ROR2: variants seen among roughly 807,000 people sequenced by gnomAD.
The protein encoded by ROR2 is ROR family WNT receptor 2, also known as tyrosine-protein kinase transmembrane receptor ROR2.
A neutral mutation model predicts 74.9 loss-of-function variants in ROR2; 33 were observed. The observed-to-expected ratio is 0.44, with a 90% CI of 0.33 to 0.59. The LOEUF is 0.59. Among genes scored for constraint, ROR2 ranks in the 20% least tolerant of loss-of-function variants. The probability of loss-of-function intolerance (pLI) is 0.02; values close to 1 mark genes in which losing one functional copy is unlikely to be tolerated. For synonymous variants in ROR2, 586 were observed against 558.7 expected (o/e 1.05, Z -0.69); for missense variants, 1,216 against 1,313.8 (o/e 0.93, Z 1.15).
intron 1 of ROR2, among the ~76,000 whole-genome samples, chr9:91,909,169 G>C (rs1280054015): frequency 6.6e-6 from 1 of 152,146 alleles, no homozygotes; most frequent in Non-Finnish European, 1.5e-5. Flanking sequence ...GCTCTGTCTG[G>C]GATCTCATAG....
Position 91,723,800 on chromosome 9 carries a change from C to A in ROR2, c.2694G>T (p.Gln898His), listed in dbSNP as rs141070315. 1 of 1,613,896 alleles carries A rather than the reference C, an allele frequency of 6.2e-7. No individual in the cohort carries two copies. Among genetic ancestry groups the A allele is most frequent in the East Asian group, 2.2e-5 (1 of 44,878 alleles). Residue 898 changes from glutamine to histidine, a missense_variant, in exon 9 of 9, where the codon CAG becomes CAT. Gln to His is a conservative substitution (Grantham distance 24). Coordinates refer to ENST00000375708, the MANE Select transcript of ROR2 (RefSeq NM_004560.4). ...TCTGGGCCCCATCTTCTGGGGCGTT[C>A]TGTGTGTCATCAGCGCCCTCTGAGA... ...ALLSEGADDTQNAPEDGAQST... is the reference protein window; with the variant it reads ...ALLSEGADDTHNAPEDGAQST...
In ROR2 at chr9:91,756,076, G is replaced by A. The variant is rs1327411892; in HGVS notation, c.489C>T (p.Asn163=). The stretch of plus-strand genomic sequence containing the variant: ...TGGGGAAAACAGATACTTACTGAAA[G>A]TTATGATTTGGGCTGTGCGTTGGAC... ...RLGPTHSPNH[N]FQDDYHEDGF... is the part of the protein sequence containing the mutation. Residue 163 remains asparagine, a synonymous_variant, in exon 4 of 9, where the codon AAC becomes AAT. Coordinates refer to ENST00000375708, the MANE Select transcript of ROR2 (RefSeq NM_004560.4). The A allele has an allele frequency of 2.5e-6, 4 of 1,613,878 alleles. No individual in the cohort carries two copies. The highest frequency in any genetic ancestry group is 1.7e-5 in the Admixed American group (1 of 60,006).
At chr9:91,919,194 TTAA>T (rs1380674764) in intron 1 of ROR2, among the ~76,000 whole-genome samples, 1 of 152,224 alleles carries the variant, frequency 6.6e-6, no homozygotes, top group African/African-American at 2.4e-5. Flanking sequence ...AAATGGGCAC[TTAA>T]TAAACATTCG....
intron 5 of ROR2, 148 bp downstream of exon 5, chr9:91,737,243 A>T (rs567123656): frequency 1.2e-5 from 13 of 1,088,400 alleles, no homozygotes; most frequent in African/African-American, 1.5e-5. Context: ...ACTACTTCTA[A>T]AAAAGATCTC....
chr9:91,936,426 A>G (rs553071244), intron 1 of ROR2, among the ~76,000 whole-genome samples: 13 of 152,308 alleles, frequency 8.5e-5, no homozygotes, highest in African/African-American at 2.9e-4. Flanking sequence ...CCCCTGTGTG[A>G]GCTGGCCTGT....
intron 1 of ROR2, among the ~76,000 whole-genome samples, chr9:91,804,716 C>G (rs1265167754): frequency 6.6e-6 from 1 of 152,166 alleles, no homozygotes; most frequent in East Asian, 1.9e-4. Flanking sequence ...AGAGATGAAA[C>G]TACAGCAATG....
intron 1 of ROR2, among the ~76,000 whole-genome samples, chr9:91,808,709 A>C (rs1431363548): frequency 6.6e-6 from 1 of 151,998 alleles, no homozygotes; most frequent in Non-Finnish European, 1.5e-5. Context: ...CTGTAATCCC[A>C]GCACTTTCGG....
At chr9:91,726,772 T>C in intron 7 of ROR2, 29 bp from the exon 8 acceptor site, 2 of 1,607,860 alleles carry the variant, frequency 1.2e-6, no homozygotes, top group Non-Finnish European at 1.7e-6. Flanking sequence ...TCGTGATTTT[T>C]CAGAAAACAT....
intron 1 of ROR2, among the ~76,000 whole-genome samples, chr9:91,861,640 C>G (rs956192338): frequency 6.6e-6 from 1 of 152,194 alleles, no homozygotes; most frequent in African/African-American, 2.4e-5. Context: ...AGCACTAAAA[C>G]TATAAAACTG....
intron 1 of ROR2, among the ~76,000 whole-genome samples, chr9:91,791,553 T>C (rs1332989256): frequency 1.3e-5 from 2 of 152,186 alleles, no homozygotes; most frequent in Admixed American, 6.5e-5. Flanking sequence ...CTATTATAAA[T>C]GTATATGAAC....
intron 1 of ROR2, among the ~76,000 whole-genome samples, chr9:91,805,885 C>G (rs1827530848): frequency 6.6e-6 from 1 of 152,238 alleles, no homozygotes; most frequent in South Asian, 2.1e-4. Flanking sequence ...ATGACATCCT[C>G]ACAGGGACAA....
At chr9:91,818,283 A>G (rs951519489) in intron 1 of ROR2, among the ~76,000 whole-genome samples, 1 of 152,234 alleles carries the variant, frequency 6.6e-6, no homozygotes, top group Non-Finnish European at 1.5e-5. Flanking sequence ...CTATTCTTTG[A>G]TATGCAAGGC....
chr9:91,779,776 G>A (rs1216844100), intron 1 of ROR2, among the ~76,000 whole-genome samples: 2 of 152,114 alleles, frequency 1.3e-5, no homozygotes, highest in Non-Finnish European at 2.9e-5. Flanking sequence ...AGATTCACTG[G>A]ATTTAATATG....
intron 1 of ROR2, among the ~76,000 whole-genome samples, chr9:91,853,964 G>C (rs1829195008): frequency 6.6e-6 from 1 of 151,818 alleles, no homozygotes; most frequent in African/African-American, 2.4e-5. Context: ...GGCTCCCCAA[G>C]AAGTCAATCC....
intron 4 of ROR2, among the ~76,000 whole-genome samples, chr9:91,740,555 C>A (rs889907202): frequency 2.5e-4 from 32 of 128,698 alleles, no homozygotes; most frequent in Non-Finnish European, 4.1e-4. Flanking sequence ...CTGTTTCGGG[C>A]GGGGGGGGGA....
chr9:91,949,045 G>A (rs1437382635), intron 1 of ROR2, among the ~76,000 whole-genome samples: 1 of 151,786 alleles, frequency 6.6e-6, no homozygotes, highest in East Asian at 2.0e-4. Flanking sequence ...GGGGGAAGTG[G>A]GGCCCCGGGA....
At chr9:91,801,598 A>G (rs9299398) in intron 1 of ROR2, among the ~76,000 whole-genome samples, 28,301 of 152,126 alleles carry the variant, frequency 0.19, 5,256 homozygotes, top group East Asian at 0.47. Flanking sequence ...CCAAAGTGCT[A>G]GGATTACCGG....
chr9:91,781,695 A>G (rs913042354), intron 1 of ROR2, among the ~76,000 whole-genome samples: 19 of 152,116 alleles, frequency 1.2e-4, no homozygotes, highest in Non-Finnish European at 2.5e-4. Context: ...TATTTTCATT[A>G]TTTCTAACTT....
intron 1 of ROR2, among the ~76,000 whole-genome samples, chr9:91,874,205 A>G (rs761723107): frequency 2.6e-5 from 4 of 152,142 alleles, no homozygotes; most frequent in Non-Finnish European, 5.9e-5. Context: ...ATGAAACCCA[A>G]TCTGCTTCAG....
Sources: gnomAD v4.1 joint callset for allele counts (sites outside exome capture counted in the v4.1 genomes callset) on GRCh38, gnomAD v4.1.1 for gene constraint, MANE v1.5 for transcripts, NCBI Gene and HGNC (gene_info 2026-07-23, HGNC 2026-07-21) for gene names.